Variants in GLYATL2 observed in about 807,000 individuals in gnomAD.
GLYATL2 encodes glycine N-acyltransferase-like protein 2.
Under a neutral mutation model 21.4 loss-of-function variants are expected in GLYATL2, and 25 were observed. The ratio of observed to expected loss-of-function variants is 1.17; its 90% CI spans 0.85 to 1.63. The LOEUF (loss-of-function observed/expected upper bound fraction) is 1.63, where lower values mean the gene tolerates loss of function less well. GLYATL2 is among the 40% of genes most tolerant of loss of function. The pLI, the probability that GLYATL2 is intolerant of heterozygous loss-of-function variation, is 0.00. For missense variants in GLYATL2, 361 were observed against 343.3 expected (o/e 1.05, Z -0.41); for synonymous variants, 114 against 118.2 (o/e 0.96, Z 0.23).
At chr11:58,898,991 A>G (rs1451669882) in intron 1 of GLYATL2, among the ~76,000 whole-genome samples, 1 of 152,134 alleles carries the variant, frequency 6.6e-6, no homozygotes, top group Non-Finnish European at 1.5e-5. Flanking sequence ...TTTTTCTTTT[A>G]CACTCAGGGG....
At chr11:58,862,386 A>T (rs1853947913) in intron 1 of GLYATL2, among the ~76,000 whole-genome samples, 1 of 152,178 alleles carries the variant, frequency 6.6e-6, no homozygotes, top group African/African-American at 2.4e-5. Context: ...ATTTCATCAG[A>T]TAAGATTTCT....
At chr11:58,874,126 G>T (rs547674991) in intron 1 of GLYATL2, among the ~76,000 whole-genome samples, 1 of 152,260 alleles carries the variant, frequency 6.6e-6, no homozygotes, top group South Asian at 2.1e-4. Context: ...GGGATCGGTG[G>T]TGATATCTAT....
intron 1 of GLYATL2, among the ~76,000 whole-genome samples, chr11:58,869,722 C>G (rs1289942409): frequency 6.6e-6 from 1 of 152,148 alleles, no homozygotes; most frequent in Non-Finnish European, 1.5e-5. Flanking sequence ...TTTTCATGTT[C>G]ATGTTACTTA....
rs1258796852 is a variant in GLYATL2, at chr11:58,837,118, C to T, written c.373G>A (p.Val125Ile). The T allele has an allele frequency of 2.5e-6, 4 of 1,613,828 alleles. No homozygotes were observed. The highest frequency in any genetic ancestry group is 1.3e-5 in the African/African-American group (1 of 74,912). The change falls in exon 5 of 6, where the codon GTA (valine) becomes ATA (isoleucine). Residue 125 changes from valine (V) to isoleucine (I), a missense_variant. Coordinates refer to ENST00000287275, the MANE Select transcript of GLYATL2 (RefSeq NM_145016.4). ...AAGAGGATGGTTTTCATGTAATCTA[C>T]CTGCACTGATTTTGAAGTTGCAACC... is the stretch of plus-strand genomic sequence containing the variant. ...RKVATSKSVQVDYMKTILFIP... is the reference protein window; with the variant it reads ...RKVATSKSVQIDYMKTILFIP...
At chr11:58,874,271 T>C (rs1163166487) in intron 1 of GLYATL2, among the ~76,000 whole-genome samples, 1 of 152,196 alleles carries the variant, frequency 6.6e-6, no homozygotes, top group East Asian at 1.9e-4. Flanking sequence ...TTGAAGGCTT[T>C]TTGTGTCTCT....
intron 1 of GLYATL2, among the ~76,000 whole-genome samples, chr11:58,869,470 C>A (rs1483796270): frequency 2.0e-5 from 3 of 152,122 alleles, no homozygotes; most frequent in African/African-American, 7.2e-5. Context: ...TGGTTCACAG[C>A]CTTCACTGGT....
chr11:58,897,482 A>G (rs1011779269), intron 1 of GLYATL2, among the ~76,000 whole-genome samples: 1 of 152,168 alleles, frequency 6.6e-6, no homozygotes, highest in Non-Finnish European at 1.5e-5. Flanking sequence ...AGGACCTACC[A>G]AGGCCTAGAG....
chr11:58,834,979 A>G, intron 5 of GLYATL2, 142 bp from the exon 6 acceptor site: 1 of 609,646 alleles, frequency 1.6e-6, no homozygotes, highest in Non-Finnish European at 2.8e-6. Flanking sequence ...TACCTTTTCT[A>G]TTTCCGCTTC....
intron 1 of GLYATL2, among the ~76,000 whole-genome samples, chr11:58,868,058 C>G (rs1854051085): frequency 6.7e-6 from 1 of 148,602 alleles, no homozygotes; most frequent in South Asian, 2.2e-4. Context: ...GCTCAGCAGC[C>G]CTACAGATGG....
chr11:58,847,005 A>G (rs1377796496), upstream of GLYATL2, among the ~76,000 whole-genome samples: 1 of 152,098 alleles, frequency 6.6e-6, no homozygotes, highest in Non-Finnish European at 1.5e-5. Context: ...CAGCTCAGCC[A>G]CAACAGGATA....
At chr11:58,844,903 T>G (rs1016275022), upstream of GLYATL2, 7 of 152,204 alleles carry the variant, frequency 4.6e-5, no homozygotes, top group African/African-American at 1.7e-4. Context: ...CTTTCAACCA[T>G]TTGTGGCTTG....
At chr11:58,874,988 A>G (rs958576356) in intron 1 of GLYATL2, among the ~76,000 whole-genome samples, 5 of 152,212 alleles carry the variant, frequency 3.3e-5, no homozygotes, top group African/African-American at 7.2e-5. Context: ...TTGGGTGCAT[A>G]TATATTTAGG....
upstream of GLYATL2, chr11:58,905,727 A>G (rs1338100181): frequency 1.1e-5 from 2 of 175,828 alleles, no homozygotes; most frequent in Non-Finnish European, 2.3e-5. Context: ...GGGATGGGTC[A>G]TCTGGACAAA....
At chr11:58,900,572 A>C (rs534042631) in intron 1 of GLYATL2, among the ~76,000 whole-genome samples, 1 of 152,306 alleles carries the variant, frequency 6.6e-6, no homozygotes, top group African/African-American at 2.4e-5. Context: ...GACGCTTTTA[A>C]AAACTCTAAA....
upstream of GLYATL2, among the ~76,000 whole-genome samples, chr11:58,906,575 A>C (rs935771368): frequency 5.9e-5 from 9 of 152,148 alleles, no homozygotes; most frequent in African/African-American, 2.2e-4. Flanking sequence ...GAAGACCTGA[A>C]TGTGGCAGTC....
At chr11:58,862,973 C>T (rs1853958321) in intron 1 of GLYATL2, among the ~76,000 whole-genome samples, 2 of 152,202 alleles carry the variant, frequency 1.3e-5, no homozygotes, top group South Asian at 4.1e-4. Context: ...TCCCAGTCAT[C>T]CAGCAATTCT....
chr11:58,874,480 A>T (rs1266558725), intron 1 of GLYATL2, among the ~76,000 whole-genome samples: 1 of 152,074 alleles, frequency 6.6e-6, no homozygotes, highest in African/African-American at 2.4e-5. Flanking sequence ...GAGATTCTGG[A>T]ATGTTGTGTC....
At chr11:58,862,226 T>G (rs944516743) in intron 1 of GLYATL2, among the ~76,000 whole-genome samples, 1 of 152,222 alleles carries the variant, frequency 6.6e-6, no homozygotes, top group African/African-American at 2.4e-5. Flanking sequence ...TTTCTCCTTT[T>G]GTTTTCAGAA....
chr11:58,862,104 CTG>C (rs1565096733), intron 1 of GLYATL2, among the ~76,000 whole-genome samples: 1 of 152,098 alleles, frequency 6.6e-6, no homozygotes, highest in Non-Finnish European at 1.5e-5. Flanking sequence ...TTGGTTGACA[CTG>C]TTTTTGTATA....
Sources: gnomAD v4.1 joint callset for allele counts (sites outside exome capture counted in the v4.1 genomes callset) on GRCh38, gnomAD v4.1.1 for gene constraint, MANE v1.5 for transcripts, NCBI Gene and HGNC (gene_info 2026-07-23, HGNC 2026-07-21) for gene names.